Variants in PCP4 observed in about 807,000 individuals in gnomAD.
The protein encoded by PCP4 is calmodulin regulator protein PCP4.
A neutral mutation model predicts 10.0 loss-of-function variants in PCP4; 8 were observed. The ratio of observed to expected loss-of-function variants is 0.80; its 90% CI spans 0.47 to 1.45. PCP4 has a LOEUF of 1.45. Ranked by LOEUF, PCP4 falls within the 40% of genes most tolerant of loss-of-function variation. The pLI is 0.00. For synonymous variants in PCP4, 21 were observed against 23.0 expected (o/e 0.91, Z 0.24); for missense variants, 54 against 74.4 (o/e 0.73, Z 1.01).
intron 2 of PCP4, among the ~76,000 whole-genome samples, chr21:39,902,212 T>C (rs1170170820): frequency 1.3e-5 from 2 of 152,350 alleles, no homozygotes; most frequent in African/African-American, 2.4e-5. Flanking sequence ...CAAAATGTTA[T>C]GAAATTTGGA....
intron 1 of PCP4, among the ~76,000 whole-genome samples, chr21:39,882,018 T>C (rs1361147066): frequency 1.3e-5 from 2 of 152,234 alleles, no homozygotes; most frequent in African/African-American, 2.4e-5. Flanking sequence ...CACCTTGTAG[T>C]AGGCTTGTTT....
At chr21:39,916,393 G>A (rs1187742539) in intron 2 of PCP4, among the ~76,000 whole-genome samples, 1 of 152,186 alleles carries the variant, frequency 6.6e-6, no homozygotes, top group Non-Finnish European at 1.5e-5. Context: ...GGAGGTGGTG[G>A]TGCAGACAGC....
At chr21:39,873,491 A>G (rs1253982509) in intron 1 of PCP4, among the ~76,000 whole-genome samples, 1 of 152,170 alleles carries the variant, frequency 6.6e-6, no homozygotes, top group East Asian at 1.9e-4. Flanking sequence ...ATGAAAATTT[A>G]TATGCAAAAA....
intron 2 of PCP4, among the ~76,000 whole-genome samples, chr21:39,908,569 C>T (rs1314285125): frequency 1.1e-4 from 16 of 152,286 alleles, no homozygotes; most frequent in Admixed American, 3.3e-4. Flanking sequence ...CACCCACAGA[C>T]TGTGGGCTTC....
At chr21:39,893,046 G>A (rs141381428) in intron 1 of PCP4, among the ~76,000 whole-genome samples, 37 of 152,224 alleles carry the variant, frequency 2.4e-4, no homozygotes, top group African/African-American at 7.5e-4. Flanking sequence ...GGGCTGGGAG[G>A]ATCAGCATTT....
At chr21:39,891,522 C>T (rs575283716) in intron 1 of PCP4, among the ~76,000 whole-genome samples, 7 of 152,160 alleles carry the variant, frequency 4.6e-5, no homozygotes, top group Non-Finnish European at 8.8e-5. Context: ...GTATTCTCCT[C>T]GTGTGTGGAG....
chr21:39,874,726 A>T (rs7278916), intron 1 of PCP4, among the ~76,000 whole-genome samples: 6,716 of 147,998 alleles, frequency 0.045, 471 homozygotes, highest in African/African-American at 0.15. Flanking sequence ...CTAGTATTTT[A>T]AAAAAAAACC....
At chr21:39,892,708 A>G (rs2087438741) in intron 1 of PCP4, among the ~76,000 whole-genome samples, 1 of 152,154 alleles carries the variant, frequency 6.6e-6, no homozygotes, top group South Asian at 2.1e-4. Flanking sequence ...TTTGAGTTAC[A>G]AACAATTCAA....
chr21:39,875,311 T>C (rs895871860), intron 1 of PCP4, among the ~76,000 whole-genome samples: 2 of 151,840 alleles, frequency 1.3e-5, no homozygotes, highest in South Asian at 4.2e-4. Flanking sequence ...ATGGGTCAAA[T>C]TTTGAGCTGA....
At chr21:39,891,733 C>T (rs1477475302) in intron 1 of PCP4, among the ~76,000 whole-genome samples, 1 of 152,252 alleles carries the variant, frequency 6.6e-6, no homozygotes, top group East Asian at 1.9e-4. Context: ...AAGCAAGTCA[C>T]GTGATTACAG....
At chr21:39,928,001 T>C (rs1362259860) in intron 2 of PCP4, among the ~76,000 whole-genome samples, 1 of 152,218 alleles carries the variant, frequency 6.6e-6, no homozygotes, top group Non-Finnish European at 1.5e-5. Context: ...ATGAATCTGA[T>C]GTTTAGCCTT....
intron 1 of PCP4, among the ~76,000 whole-genome samples, chr21:39,892,794 G>T (rs2087439245): frequency 6.6e-6 from 1 of 151,920 alleles, no homozygotes. Flanking sequence ...CAAATAGCAG[G>T]TCTTATTTAT....
chr21:39,898,597 G>A (rs896884864), intron 2 of PCP4, 70 bp downstream of exon 2: 11 of 1,162,392 alleles, frequency 9.5e-6, no homozygotes, highest in Admixed American at 6.9e-5. Context: ...CAGCAGGTGC[G>A]GATCATACAT....
chr21:39,896,052 T>C (rs373384632), intron 1 of PCP4, among the ~76,000 whole-genome samples: 2 of 152,214 alleles, frequency 1.3e-5, no homozygotes, highest in African/African-American at 2.4e-5. Flanking sequence ...GAACCTGACA[T>C]AAAAACCCCA....
chr21:39,873,781 A>G (rs1297698777), intron 1 of PCP4, among the ~76,000 whole-genome samples: 1 of 152,242 alleles, frequency 6.6e-6, no homozygotes, highest in Non-Finnish European at 1.5e-5. Flanking sequence ...ACAGTCATCA[A>G]TGGCTCAAAC....
chr21:39,898,441 A>G (rs369716340), intron 1 of PCP4, 35 bp from the exon 2 acceptor site: 55 of 1,568,816 alleles, frequency 3.5e-5, no homozygotes, highest in Non-Finnish European at 4.6e-5. Flanking sequence ...TATATCTGAT[A>G]ACAATTGCTT....
intron 2 of PCP4, among the ~76,000 whole-genome samples, chr21:39,926,371 T>G (rs373250648): frequency 6.6e-6 from 1 of 152,214 alleles, no homozygotes; most frequent in African/African-American, 2.4e-5. Flanking sequence ...TTGTCATTTG[T>G]CAAAAAATAA....
chr21:39,901,678 T>C (rs2087482989), intron 2 of PCP4, among the ~76,000 whole-genome samples: 1 of 152,212 alleles, frequency 6.6e-6, no homozygotes, highest in Non-Finnish European at 1.5e-5. Context: ...CATTAGATAA[T>C]TCTAGATATT....
chr21:39,925,616 G>C (rs893708993), intron 2 of PCP4, among the ~76,000 whole-genome samples: 70 of 152,196 alleles, frequency 4.6e-4, no homozygotes, highest in African/African-American at 1.5e-3. Context: ...TTGGGGGTGT[G>C]GCGTGCCCCT....
Sources: allele counts gnomAD v4.1 joint callset (sites outside exome capture counted in the v4.1 genomes callset), GRCh38; gene constraint gnomAD v4.1.1; transcripts MANE v1.5; gene names NCBI Gene and HGNC (gene_info 2026-07-23, HGNC 2026-07-21).